Variants in ENPP3 observed in about 807,000 individuals in gnomAD.
ENPP3 encodes ectonucleotide pyrophosphatase/phosphodiesterase family member 3.
ENPP3 carries 104 observed loss-of-function variants against 117.8 expected under a neutral mutation model. That is an observed-to-expected ratio of 0.88 (90% confidence interval 0.75 to 1.04). ENPP3 has a LOEUF of 1.04. Ranked by LOEUF, ENPP3 falls within the 50% of genes least tolerant of loss-of-function variation. The pLI, the probability that ENPP3 is intolerant of heterozygous loss-of-function variation, is 0.00. For synonymous variants in ENPP3, 380 were observed against 349.9 expected (o/e 1.09, Z -0.96); for missense variants, 1,026 against 1,051.9 (o/e 0.98, Z 0.34).
intron 14 of ENPP3, among the ~76,000 whole-genome samples, chr6:131,686,508 CT>C (rs1398234627): frequency 6.6e-6 from 1 of 151,994 alleles, no homozygotes; most frequent in Non-Finnish European, 1.5e-5. Context: ...CCTTTATTAA[CT>C]TTTTTTAAAA....
intron 20 of ENPP3, among the ~76,000 whole-genome samples, chr6:131,728,140 C>T (rs1433048028): frequency 6.6e-6 from 1 of 152,162 alleles, no homozygotes; most frequent in Non-Finnish European, 1.5e-5. Context: ...TCTTAATATG[C>T]ACAGTGTTCA....
chr6:131,676,993 T>C (rs1185096459), intron 10 of ENPP3, among the ~76,000 whole-genome samples, 192 bp downstream of exon 10: 1 of 152,060 alleles, frequency 6.6e-6, no homozygotes, highest in Non-Finnish European at 1.5e-5. Context: ...CTCAGCACTT[T>C]GGGAGGTTGA....
intron 7 of ENPP3, among the ~76,000 whole-genome samples, chr6:131,671,606 A>G (rs771928865): frequency 3.3e-5 from 5 of 152,180 alleles, no homozygotes; most frequent in Non-Finnish European, 7.4e-5. Flanking sequence ...TTTTCCTCTG[A>G]TCTTTCGATT....
intron 15 of ENPP3, 92 bp downstream of exon 15, chr6:131,693,716 G>C (rs1430101665): frequency 1.6e-6 from 2 of 1,287,850 alleles, no homozygotes; most frequent in East Asian, 4.8e-5. Context: ...TATCATCACT[G>C]TGAATTTTCC....
chr6:131,653,284 A>C lies in ENPP3; in HGVS notation c.464+393A>C, dbSNP rs879621982. 2.0e-5 allele frequency among the ~76,000 whole-genome samples: 3 copies of C among 149,514 alleles called. No individual in the cohort carries two copies. The East Asian group carries it at 6.0e-4, about 30-fold the overall frequency. ...TAGCTGGGACTATAGGCACGCCACC[A>C]TGCTTGGCTAATTTTTTATTTTTCT... On this transcript the variant is annotated intron_variant, in intron 5 of 24. Transcript: ENST00000357639.
rs1779335656 is a variant in ENPP3, at chr6:131,693,526, C to CT, written c.1315dup (p.Tyr439LeufsTer5). ...GAAAACCTGATCAGCATTTCAAGCC[C>CT]TATTTGACTCCTGATTTGCCAAAGC... On this transcript the variant is annotated frameshift_variant, in exon 15 of 25. Coordinates refer to ENST00000357639, the MANE Select transcript of ENPP3 (RefSeq NM_005021.5). LOFTEE classifies it high-confidence loss of function. 4 of 1,612,886 alleles carry CT rather than the reference C, an allele frequency of 2.5e-6. No homozygotes were observed. Among genetic ancestry groups the CT allele is most frequent in the Admixed American group, 1.7e-5 (1 of 59,866 alleles).
chr6:131,681,205 G>A (rs1779016801), intron 11 of ENPP3, among the ~76,000 whole-genome samples: 1 of 152,218 alleles, frequency 6.6e-6, no homozygotes, highest in Non-Finnish European at 1.5e-5. Context: ...GCTGTAGATA[G>A]AGAGTGGCTT....
At chr6:131,683,869 A>G (rs1779087413) in intron 12 of ENPP3, among the ~76,000 whole-genome samples, 1 of 151,040 alleles carries the variant, frequency 6.6e-6, no homozygotes, top group Non-Finnish European at 1.5e-5. Flanking sequence ...TCCTGCCTCA[A>G]CCTCTTGAGT....
intron 20 of ENPP3, among the ~76,000 whole-genome samples, chr6:131,727,912 T>A (rs1468566844): frequency 2.6e-5 from 4 of 152,250 alleles, no homozygotes; most frequent in African/African-American, 9.6e-5. Flanking sequence ...TGCATAGGTT[T>A]ACCTACTCTT....
intron 2 of ENPP3, 147 bp from the exon 3 acceptor site, chr6:131,649,880 T>G: frequency 1.3e-6 from 1 of 785,610 alleles, no homozygotes; most frequent in Non-Finnish European, 2.1e-6. Flanking sequence ...ATTTATTACA[T>G]TGTATTGGCA....
chr6:131,678,600 G>A (rs1778922997), intron 11 of ENPP3, among the ~76,000 whole-genome samples: 1 of 152,210 alleles, frequency 6.6e-6, no homozygotes, highest in Non-Finnish European at 1.5e-5. Flanking sequence ...TGCCATGAAT[G>A]TGGCATTTCC....
chr6:131,721,142 A>G (rs538199814), intron 17 of ENPP3, among the ~76,000 whole-genome samples: 1 of 152,324 alleles, frequency 6.6e-6, no homozygotes, highest in South Asian at 2.1e-4. Context: ...TTAGGATTTT[A>G]GGAAGCCTAA....
At chr6:131,659,208 G>A (rs571718961) in intron 6 of ENPP3, among the ~76,000 whole-genome samples, 2 of 152,290 alleles carry the variant, frequency 1.3e-5, no homozygotes, top group African/African-American at 2.4e-5. Context: ...AGCACTTTGG[G>A]AGGTGGAGGC....
chr6:131,646,183 C>T (rs1415541558), intron 2 of ENPP3, among the ~76,000 whole-genome samples: 1 of 152,002 alleles, frequency 6.6e-6, no homozygotes, highest in Non-Finnish European at 1.5e-5. Flanking sequence ...TACAAGACCA[C>T]CCTGAATGTG....
At chr6:131,681,176 G>A (rs946017635) in intron 11 of ENPP3, among the ~76,000 whole-genome samples, 1 of 152,176 alleles carries the variant, frequency 6.6e-6, no homozygotes, top group Non-Finnish European at 1.5e-5. Context: ...AAAGCATCTT[G>A]GAGTTGATGA....
At chr6:131,673,015 T>C (rs190245365) in intron 7 of ENPP3, among the ~76,000 whole-genome samples, 33 of 152,294 alleles carry the variant, frequency 2.2e-4, no homozygotes, top group Admixed American at 1.8e-3. Context: ...TTCTATCTAG[T>C]AAATTCCTTG....
intron 24 of ENPP3, 120 bp downstream of exon 24, chr6:131,740,500 C>A: frequency 3.1e-6 from 2 of 637,768 alleles, no homozygotes; most frequent in African/African-American, 1.8e-5. Flanking sequence ...AAAGTTATAA[C>A]ACAAATGACT....
At chr6:131,696,667 T>A (rs1412791058) in intron 15 of ENPP3, among the ~76,000 whole-genome samples, 1 of 152,136 alleles carries the variant, frequency 6.6e-6, no homozygotes, top group Non-Finnish European at 1.5e-5. Flanking sequence ...GTTGTTGTTG[T>A]TGTTTTTGCC....
chr6:131,697,369 G>A (rs938969491), intron 15 of ENPP3, among the ~76,000 whole-genome samples: 15 of 133,930 alleles, frequency 1.1e-4, no homozygotes, highest in South Asian at 1.1e-3. Flanking sequence ...TAGCGCAGTG[G>A]TCCCCAACCC....
Sources: gnomAD v4.1 joint callset for allele counts (sites outside exome capture counted in the v4.1 genomes callset) on GRCh38, gnomAD v4.1.1 for gene constraint, MANE v1.5 for transcripts, NCBI Gene and HGNC (gene_info 2026-07-23, HGNC 2026-07-21) for gene names.